KIF26B: variants seen among roughly 807,000 people sequenced by gnomAD.
The protein encoded by KIF26B is kinesin family member 26B.
A neutral mutation model predicts 151.2 loss-of-function variants in KIF26B; 63 were observed. The observed-to-expected ratio is 0.42, with a 90% confidence interval of 0.34 to 0.51. KIF26B has a LOEUF of 0.51. KIF26B is among the 20% of genes least tolerant of loss of function. The pLI, the probability that KIF26B is intolerant of heterozygous loss-of-function variation, is 0.07. For missense variants in KIF26B, 2,813 were observed against 2,913.6 expected, an observed-to-expected ratio of 0.97 and a Z score of 0.79; for synonymous variants, 1,357 against 1,262.1, an observed-to-expected ratio of 1.08 and a Z score of -1.59.
chr1:245,678,584 C>T (rs1275077333), intron 10 of KIF26B, among the ~76,000 whole-genome samples: 1 of 152,082 alleles, frequency 6.6e-6, no homozygotes, highest in Admixed American at 6.5e-5. Context: ...GCAAGACAGG[C>T]CTGGCACAGT....
chr1:245,618,258 G>A (rs1028409699), intron 9 of KIF26B, among the ~76,000 whole-genome samples: 3 of 152,210 alleles, frequency 2.0e-5, no homozygotes, highest in African/African-American at 7.2e-5. Flanking sequence ...GGCTGTTTGT[G>A]AGCTAGTCCA....
At chr1:245,586,906 A>AAAC (rs1553292415) in intron 5 of KIF26B, among the ~76,000 whole-genome samples, 6 of 151,718 alleles carry the variant, frequency 4.0e-5, no homozygotes, top group African/African-American at 1.2e-4. Flanking sequence ...AAAAAAAAAA[A>AAAC]AAACATCAAA....
At chr1:245,286,437 T>C (rs539237053) in intron 2 of KIF26B, among the ~76,000 whole-genome samples, 33 of 151,948 alleles carry the variant, frequency 2.2e-4, no homozygotes, top group African/African-American at 7.5e-4. Context: ...AGCTACCCAG[T>C]TGGGCGAGGC....
chr1:245,586,582 C>T (rs2043227080), intron 5 of KIF26B, among the ~76,000 whole-genome samples: 1 of 152,172 alleles, frequency 6.6e-6, no homozygotes, highest in Non-Finnish European at 1.5e-5. Context: ...CCACCCTCAA[C>T]TACAGTCAAA....
chr1:245,684,129 A>G, intron 10 of KIF26B, 104 bp from the exon 11 acceptor site: 2 of 1,200,558 alleles, frequency 1.7e-6, no homozygotes, highest in Non-Finnish European at 2.3e-6. Flanking sequence ...GGGTGGGGGG[A>G]CCACCACCCA....
intron 4 of KIF26B, among the ~76,000 whole-genome samples, chr1:245,447,278 C>T (rs1659269594): frequency 6.6e-6 from 1 of 152,178 alleles, no homozygotes; most frequent in Non-Finnish European, 1.5e-5. Context: ...GGGTAATGGT[C>T]TAGTCTTAAT....
chr1:245,594,860 T>C (rs1284290649), intron 5 of KIF26B, among the ~76,000 whole-genome samples: 1 of 152,114 alleles, frequency 6.6e-6, no homozygotes, highest in Non-Finnish European at 1.5e-5. Context: ...GTGGTTTGTA[T>C]TTCCCCTTGA....
chr1:245,457,760 T>C (rs1659567436), intron 4 of KIF26B, among the ~76,000 whole-genome samples: 1 of 152,248 alleles, frequency 6.6e-6, no homozygotes, highest in South Asian at 2.1e-4. Flanking sequence ...TCCATTTTAA[T>C]AGTATTACAT....
intron 2 of KIF26B, among the ~76,000 whole-genome samples, chr1:245,246,839 C>A (rs771433796): frequency 2.6e-5 from 4 of 151,166 alleles, no homozygotes; most frequent in Non-Finnish European, 4.4e-5. Context: ...TATAGATGGG[C>A]CCTGAAAGGC....
intron 2 of KIF26B, among the ~76,000 whole-genome samples, chr1:245,205,117 G>T (rs963788565): frequency 4.6e-5 from 7 of 152,116 alleles, no homozygotes; most frequent in Non-Finnish European, 7.4e-5. Flanking sequence ...AACAGGCCTG[G>T]TTGGGGTGTG....
intron 2 of KIF26B, among the ~76,000 whole-genome samples, chr1:245,285,349 A>T (rs6695602): frequency 6.6e-6 from 1 of 151,282 alleles, no homozygotes; most frequent in Non-Finnish European, 1.5e-5. Flanking sequence ...AGAGCCACTC[A>T]TGTGGTCCTC....
chr1:245,704,935 C>T lies in KIF26B; in HGVS notation c.*2329C>T, dbSNP rs1257881151. ...GAAAGAAACTCATCTGATGAGTCAT[C>T]GATGAGTTTGGCTTTCGCCCCTGCC... On this transcript the variant is annotated 3_prime_UTR_variant, in exon 15 of 15. Coordinates refer to ENST00000407071, the MANE Select transcript of KIF26B (RefSeq NM_018012.4). 2 of 152,212 alleles carry T rather than the reference C, an allele frequency of 1.3e-5. No individual in the cohort carries two copies. The highest frequency in any genetic ancestry group is 2.1e-4 in the South Asian group (1 of 4,824). 9.4% of individuals were successfully genotyped at this position (152,212 alleles called of 1,614,324 possible).
chr1:245,493,084 A>G, intron 4 of KIF26B, among the ~76,000 whole-genome samples: 1 of 152,120 alleles, frequency 6.6e-6, no homozygotes, highest in East Asian at 1.9e-4. Context: ...TGGACAGGAA[A>G]TAAGTCTTAA....
intron 4 of KIF26B, among the ~76,000 whole-genome samples, chr1:245,532,859 G>T (rs901940349): frequency 4.6e-5 from 7 of 152,180 alleles, no homozygotes; most frequent in African/African-American, 1.4e-4. Flanking sequence ...CAAAGGTGAA[G>T]GTGGATGCTC....
rs1669908853 is a variant in KIF26B, at chr1:245,227,901, C to A, written c.465+71218C>A. Among the ~76,000 whole-genome samples, 1 of 152,130 alleles carries A rather than the reference C, an allele frequency of 6.6e-6. No individual in the cohort carries two copies. Among genetic ancestry groups the A allele is most frequent in the South Asian group, 2.1e-4 (1 of 4,820 alleles). On this transcript the variant is annotated intron_variant, in intron 2 of 14. Coordinates refer to ENST00000407071, the MANE Select transcript of KIF26B (RefSeq NM_018012.4). The surrounding 1 kb of genome is among the most constrained non-coding windows in gnomAD (Gnocchi z 4.1). ...CCTGTAATCCCAGCTACTTAGGAGG[C>A]TGAGGCAGGAGAATCGCTTGAACCC...
intron 4 of KIF26B, among the ~76,000 whole-genome samples, chr1:245,448,400 G>A (rs1659296694): frequency 6.6e-6 from 1 of 152,060 alleles, no homozygotes; most frequent in Admixed American, 6.6e-5. Context: ...GGTAGAGATG[G>A]GGTTTCATCA....
chr1:245,593,950 G>C (rs917943909), intron 5 of KIF26B, among the ~76,000 whole-genome samples: 1 of 152,074 alleles, frequency 6.6e-6, no homozygotes, highest in Non-Finnish European at 1.5e-5. Flanking sequence ...TCATATGTTT[G>C]TTGGCCACAT....
At chr1:245,636,860 T>TTTTG (rs139548516) in intron 9 of KIF26B, among the ~76,000 whole-genome samples, 2 of 149,196 alleles carry the variant, frequency 1.3e-5, no homozygotes, top group South Asian at 2.1e-4. Context: ...TAATATTCCA[T>TTTTG]TGTGTGTGTG....
intron 12 of KIF26B, among the ~76,000 whole-genome samples, chr1:245,696,647 C>T (rs2044697792): frequency 1.3e-5 from 2 of 152,194 alleles, no homozygotes; most frequent in South Asian, 4.1e-4. Context: ...AGAAAAAAAC[C>T]CCTCTGATCT....
Sources: allele counts gnomAD v4.1 joint callset (sites outside exome capture counted in the v4.1 genomes callset), GRCh38; gene constraint gnomAD v4.1.1; non-coding constraint Gnocchi (gnomAD v3.1); transcripts MANE v1.5; gene names NCBI Gene and HGNC (gene_info 2026-07-23, HGNC 2026-07-21).